CLOCK: variants seen among roughly 807,000 people sequenced by gnomAD.
CLOCK encodes the protein clock circadian regulator.
CLOCK carries 43 observed loss-of-function variants against 118.4 expected under a neutral mutation model. The ratio of observed to expected loss-of-function variants is 0.36; its 90% confidence interval spans 0.28 to 0.47. CLOCK has a LOEUF of 0.47. Among genes scored for constraint, CLOCK ranks in the 20% least tolerant of loss-of-function variants. CLOCK has a pLI of 1.00. For synonymous variants in CLOCK, 326 were observed against 339.2 expected (o/e 0.96, Z 0.43); for missense variants, 846 against 999.9 (o/e 0.85, Z 2.08).
At chr4:55,514,269 C>A (rs1467451232) in intron 1 of CLOCK, among the ~76,000 whole-genome samples, 1 of 152,098 alleles carries the variant, frequency 6.6e-6, no homozygotes, top group Non-Finnish European at 1.5e-5. Context: ...TCATAAAATA[C>A]TTTTAATCTT....
chr4:55,472,216 A>T (rs1211882580), intron 7 of CLOCK, among the ~76,000 whole-genome samples: 1 of 152,240 alleles, frequency 6.6e-6, no homozygotes, highest in Non-Finnish European at 1.5e-5. Flanking sequence ...GAATAAGAAA[A>T]TGAGAAATGA....
chr4:55,482,124 G>T (rs1237165258), intron 4 of CLOCK, among the ~76,000 whole-genome samples: 2 of 152,090 alleles, frequency 1.3e-5, no homozygotes, highest in Admixed American at 1.3e-4. Flanking sequence ...TAGGTTCAGG[G>T]GTACCTGTGT....
At chr4:55,449,575 G>T (rs144230426) in intron 16 of CLOCK, 79 bp from the exon 17 acceptor site, 2 of 1,244,640 alleles carry the variant, frequency 1.6e-6, no homozygotes, top group Non-Finnish European at 2.3e-6. Context: ...ATGTATTTCA[G>T]TTAATAAAAA....
chr4:55,509,073 A>T (rs964269639), intron 2 of CLOCK, among the ~76,000 whole-genome samples: 1 of 152,236 alleles, frequency 6.6e-6, no homozygotes, highest in African/African-American at 2.4e-5. Context: ...CTGTAACACA[A>T]TATAAGTATT....
At chr4:55,542,061 T>C (rs1007827845) in intron 1 of CLOCK, among the ~76,000 whole-genome samples, 1 of 151,552 alleles carries the variant, frequency 6.6e-6, no homozygotes, top group Admixed American at 6.6e-5. Context: ...TGCTTTTCAG[T>C]TGGGCATGGT....
chr4:55,448,900 A>C (rs1232210766), intron 17 of CLOCK, 32 bp from the exon 18 acceptor site: 1 of 1,495,082 alleles, frequency 6.7e-7, no homozygotes. Flanking sequence ...CACTGAAGTG[A>C]TTCTCATTCC....
At chr4:55,527,197 T>C (rs1203426670) in intron 1 of CLOCK, among the ~76,000 whole-genome samples, 1 of 152,092 alleles carries the variant, frequency 6.6e-6, no homozygotes, top group African/African-American at 2.4e-5. Flanking sequence ...CTTTAAAATA[T>C]TAACAGATAA....
At chr4:55,457,585 G>C (rs1725005136) in intron 11 of CLOCK, among the ~76,000 whole-genome samples, 2 of 151,418 alleles carry the variant, frequency 1.3e-5, no homozygotes, top group African/African-American at 4.9e-5. Flanking sequence ...TCAGCATGGA[G>C]AAATAAACAA....
rs79012953 is a variant in CLOCK at position 55,438,697 on chromosome 4, C to T, written c.2106-160G>A. ...TACTTTGTTTCATTTTAAAAGATTC[C>T]CTTTGGTGTAACAGTAAAACAAAAA... is the stretch of plus-strand genomic sequence containing the variant. On this transcript the variant is annotated intron_variant, in intron 21 of 22. Transcript: ENST00000513440. Among the ~76,000 whole-genome samples the T allele has an allele frequency of 3.8e-3, 573 of 152,246 alleles. 1 individual carries two copies. Among genetic ancestry groups the T allele is most frequent in the Non-Finnish European group, 6.5e-3 (439 of 68,040 alleles).
Position 55,450,165 on chromosome 4 carries a change from T to A in CLOCK, c.1274A>T (p.Asp425Val). Residue 425 changes from aspartate (D) to valine (V), a missense_variant, in exon 16 of 23, where the codon GAT becomes GTT. Asp to Val is a radical substitution (Grantham distance 152). This residue lies in a region of CLOCK where 520 missense variants were observed against 558.0 expected (regional missense o/e 0.93). Transcript: ENST00000513440. ...VSLKEALERF[D>V]HSPTPSASSR... is the part of the protein sequence containing the mutation. ...AGAGGCAGAAGGGGTTGGGCTGTGA[T>A]CAAACCTTTCCAATGCTTCCTTGAG... 6.2e-7 allele frequency: 1 copy of A among 1,614,032 alleles called. No homozygotes were observed. The highest frequency in any genetic ancestry group is 8.5e-7 in the Non-Finnish European group (1 of 1,179,982).
intron 1 of CLOCK, among the ~76,000 whole-genome samples, chr4:55,545,049 TAAC>T (rs1174827089): frequency 1.3e-4 from 14 of 111,002 alleles, no homozygotes; most frequent in Admixed American, 2.1e-4. Context: ...TTCTTCAGGC[TAAC>T]TTTTTTTTTT....
In CLOCK at chr4:55,445,504, T is replaced by C. The variant is rs150766208; in HGVS notation, c.1540-719A>G. Among the ~76,000 whole-genome samples the C allele has an allele frequency of 6.2e-3, 935 of 151,962 alleles. 17 individuals carry two copies. The highest frequency in any genetic ancestry group is 0.021 in the African/African-American group (869 of 41,448). On this transcript the variant is annotated intron_variant, in intron 18 of 22. Coordinates refer to ENST00000513440, the MANE Select transcript of CLOCK (RefSeq NM_004898.4). ...GGTTAGGAGCTTGTGGGGAGTCTTC[T>C]AAGTATGTTCCTTCCTTGGGTACTC...
chr4:55,521,098 G>A (rs1729819258), intron 1 of CLOCK, among the ~76,000 whole-genome samples: 1 of 152,150 alleles, frequency 6.6e-6, no homozygotes, highest in Non-Finnish European at 1.5e-5. Flanking sequence ...TTACAAAAGT[G>A]CAATTTTAAC....
chr4:55,510,719 G>A (rs1729092695), intron 1 of CLOCK, among the ~76,000 whole-genome samples: 1 of 151,912 alleles, frequency 6.6e-6, no homozygotes, highest in South Asian at 2.1e-4. Flanking sequence ...AAGCAAGAGG[G>A]AAGAGGTGAG....
chr4:55,499,229 T>C (rs1277154645), intron 2 of CLOCK, among the ~76,000 whole-genome samples: 1 of 152,204 alleles, frequency 6.6e-6, no homozygotes, highest in East Asian at 1.9e-4. Context: ...TTTCTTTGTA[T>C]GTCAAGTAAT....
chr4:55,482,992 T>C (rs1478494989), intron 3 of CLOCK, among the ~76,000 whole-genome samples, 164 bp from the exon 4 acceptor site: 1 of 152,178 alleles, frequency 6.6e-6, no homozygotes, highest in Non-Finnish European at 1.5e-5. Flanking sequence ...CTGAGGTACA[T>C]TTGAGGCTTC....
At chr4:55,439,000 CAGAT>C (rs1723128655) in intron 21 of CLOCK, among the ~76,000 whole-genome samples, 1 of 152,136 alleles carries the variant, frequency 6.6e-6, no homozygotes, top group Non-Finnish European at 1.5e-5. Flanking sequence ...AACAGATAAA[CAGAT>C]AAACTGGACT....
intron 8 of CLOCK, among the ~76,000 whole-genome samples, chr4:55,465,433 T>A (rs1388557590): frequency 1.3e-5 from 2 of 152,188 alleles, no homozygotes; most frequent in African/African-American, 4.8e-5. Flanking sequence ...GCCCTATAGC[T>A]GAATAAAAGG....
intron 2 of CLOCK, among the ~76,000 whole-genome samples, chr4:55,496,464 C>T (rs76099358): frequency 0.028 from 4,231 of 152,208 alleles, 205 homozygotes; most frequent in African/African-American, 0.097. Context: ...TCTCTAAACT[C>T]TAGCCTTCCT....
Sources: allele counts gnomAD v4.1 joint callset (sites outside exome capture counted in the v4.1 genomes callset), GRCh38; gene constraint gnomAD v4.1.1; regional missense constraint gnomAD v4.1.1; transcripts MANE v1.5; gene names NCBI Gene and HGNC (gene_info 2026-07-23, HGNC 2026-07-21).